The following CCDC141 variants were observed in gnomAD, a reference collection of about 807,000 sequenced individuals.
CCDC141 encodes coiled-coil domain containing 141, also known as coiled-coil domain-containing protein 141.
A neutral mutation model predicts 181.0 loss-of-function variants in CCDC141; 168 were observed. The observed-to-expected ratio is 0.93, with a 90% CI of 0.82 to 1.05. CCDC141 has a LOEUF of 1.05. CCDC141 is among the 50% of genes least tolerant of loss of function. CCDC141 has a pLI of 0.00. For missense variants in CCDC141, 1,902 were observed against 1,788.5 expected, an observed-to-expected ratio of 1.06 and a Z score of -1.14; for synonymous variants, 666 against 642.3, an observed-to-expected ratio of 1.04 and a Z score of -0.56.
At chr2:178,893,112 C>A (rs1687233532) in intron 8 of CCDC141, among the ~76,000 whole-genome samples, 1 of 152,112 alleles carries the variant, frequency 6.6e-6, no homozygotes, top group Non-Finnish European at 1.5e-5. Context: ...CCAAGCATCA[C>A]AGACTGTGAA....
chr2:178,819,285 C>CA, the CCDC141 span, among the ~76,000 whole-genome samples: 7 of 152,126 alleles, frequency 4.6e-5, no homozygotes, highest in African/African-American at 1.7e-4. Context: ...TTATTTGATA[C>CA]ATTTAATTGA....
At chr2:179,017,217 G>A (rs1420528207) in intron 2 of CCDC141, among the ~76,000 whole-genome samples, 1 of 151,714 alleles carries the variant, frequency 6.6e-6, no homozygotes, top group Non-Finnish European at 1.5e-5. Flanking sequence ...CTTTCTTTCT[G>A]AATAATAGTT....
Position 178,841,224 on chromosome 2 carries a change from G to A in CCDC141, c.3475-3480C>T, listed in dbSNP as rs181400995. ...AAGACAGATTGTCTCCAAAGTTGAC[G>A]TTGATGAACTACTTAACACTCTTGA... On this transcript the variant is annotated intron_variant, in intron 22 of 23. Coordinates refer to ENST00000443758, the MANE Select transcript of CCDC141 (RefSeq NM_173648.4). Among the ~76,000 whole-genome samples, 448 of 152,292 alleles carry A rather than the reference G, an allele frequency of 2.9e-3. 1 individual carries two copies. Among genetic ancestry groups the A allele is most frequent in the East Asian group, 0.015 (77 of 5,190 alleles).
At chr2:178,960,616 A>G (rs531252359) in intron 5 of CCDC141, among the ~76,000 whole-genome samples, 2 of 152,276 alleles carry the variant, frequency 1.3e-5, no homozygotes, top group East Asian at 3.9e-4. Context: ...TTCACATCAA[A>G]TAATTGTAGC....
chr2:178,954,417 T>C (rs1690075123), intron 5 of CCDC141, among the ~76,000 whole-genome samples: 2 of 152,234 alleles, frequency 1.3e-5, no homozygotes, highest in African/African-American at 4.8e-5. Flanking sequence ...CATGCTATAA[T>C]TATCTTTATG....
At chr2:178,930,362 G>C (rs1239482943) in intron 6 of CCDC141, among the ~76,000 whole-genome samples, 1 of 152,114 alleles carries the variant, frequency 6.6e-6, no homozygotes, top group East Asian at 1.9e-4. Context: ...ACTTAATGTT[G>C]TTAAGATGGC....
chr2:178,868,277 A>T, intron 15 of CCDC141, 72 bp from the exon 16 acceptor site: 1 of 1,337,602 alleles, frequency 7.5e-7, no homozygotes, highest in Non-Finnish European at 1.0e-6. Flanking sequence ...CCTAATTTCT[A>T]TAGCACATTT....
intron 11 of CCDC141, among the ~76,000 whole-genome samples, chr2:178,884,265 C>T (rs182946856): frequency 2.5e-4 from 38 of 149,702 alleles, no homozygotes; most frequent in African/African-American, 9.1e-4. Flanking sequence ...ACCAGAATCT[C>T]GGGACCCCAA....
intron 4 of CCDC141, among the ~76,000 whole-genome samples, chr2:178,967,146 T>C (rs6714169): frequency 0.97 from 148,186 of 152,122 alleles, 72,277 homozygotes; most frequent in Middle Eastern, 1. Context: ...CTGAAAGTGA[T>C]GAGGAGAATG....
chr2:178,915,202 T>C (rs1174522194), intron 7 of CCDC141, among the ~76,000 whole-genome samples: 1 of 147,894 alleles, frequency 6.8e-6, no homozygotes, highest in Non-Finnish European at 1.5e-5. Context: ...AGAAAGAAAA[T>C]GAAAGGAAAA....
intron 4 of CCDC141, among the ~76,000 whole-genome samples, chr2:178,966,338 AG>A (rs539252277): frequency 2.0e-5 from 3 of 152,210 alleles, no homozygotes; most frequent in Non-Finnish European, 2.9e-5. Flanking sequence ...ACCTCCCAGT[AG>A]GGGGTGACAG....
intron 11 of CCDC141, among the ~76,000 whole-genome samples, chr2:178,884,299 T>C (rs984847434): frequency 2.0e-5 from 3 of 151,488 alleles, no homozygotes; most frequent in Admixed American, 2.0e-4. Context: ...AAGGGAAAGT[T>C]AAGCTTGGGA....
In CCDC141 at chr2:178,878,023, A is replaced by G; in HGVS notation, c.1840T>C (p.Leu614=). Reference sequence around the variant, plus strand: ...TCTTGTGTTATAAAACTCTTCTTTAAAAATAGCTGCCACTGCTTCTCAGCC... The same window carrying G: ...TCTTGTGTTATAAAACTCTTCTTTAGAAATAGCTGCCACTGCTTCTCAGCC... The part of the protein sequence containing the change: ...DSAEKQWQLF[L]KKSFITQDLG... The change falls in exon 12 of 24, where the codon TTA becomes CTA. Residue 614 remains leucine, a synonymous_variant. Transcript: ENST00000443758. 1 of 1,613,984 alleles carries G rather than the reference A, an allele frequency of 6.2e-7. No individual in the cohort carries two copies. The highest frequency in any genetic ancestry group is 8.5e-7 in the Non-Finnish European group (1 of 1,179,896).
At chr2:179,040,611 C>T (rs754755494) in intron 2 of CCDC141, among the ~76,000 whole-genome samples, 4 of 152,112 alleles carry the variant, frequency 2.6e-5, no homozygotes, top group Non-Finnish European at 5.9e-5. Flanking sequence ...TTCAGCTCCC[C>T]CTTATAAGTG....
intron 22 of CCDC141, among the ~76,000 whole-genome samples, chr2:178,842,559 C>T (rs1054709049): frequency 2.6e-5 from 4 of 152,230 alleles, no homozygotes; most frequent in African/African-American, 9.6e-5. Context: ...GATATTCCTA[C>T]ATCCATTCAA....
chr2:178,981,636 G>GTGTATATATATATATATATATATATATA (rs1313433628), intron 2 of CCDC141, among the ~76,000 whole-genome samples: 4 of 62,390 alleles, frequency 6.4e-5, no homozygotes, highest in South Asian at 6.0e-4. Flanking sequence ...GTGTGTGTGT[G>GTGTATATATATATATATATATATATATA]TATATATATA....
At chr2:178,980,587 T>G (rs1691332658) in intron 2 of CCDC141, among the ~76,000 whole-genome samples, 1 of 152,224 alleles carries the variant, frequency 6.6e-6, no homozygotes, top group Admixed American at 6.5e-5. Context: ...AGCTTTGAGA[T>G]ATTTTTACGT....
At chr2:178,900,862 G>A (rs1020891762) in intron 8 of CCDC141, among the ~76,000 whole-genome samples, 18 of 152,142 alleles carry the variant, frequency 1.2e-4, no homozygotes, top group African/African-American at 4.1e-4. Flanking sequence ...ACATGAGCAA[G>A]GGTTTTCAGA....
At chr2:179,014,496 G>C (rs1485135914) in intron 2 of CCDC141, among the ~76,000 whole-genome samples, 1 of 152,024 alleles carries the variant, frequency 6.6e-6, no homozygotes, top group Non-Finnish European at 1.5e-5. Flanking sequence ...CCCACAGAGG[G>C]GGAGAAAATC....
Sources: allele counts gnomAD v4.1 joint callset (sites outside exome capture counted in the v4.1 genomes callset), GRCh38; gene constraint gnomAD v4.1.1; transcripts MANE v1.5; gene names NCBI Gene and HGNC (gene_info 2026-07-23, HGNC 2026-07-21).